KL: variants seen among roughly 807,000 people sequenced by gnomAD.
KL encodes the protein alpha-klotho.
Under a neutral mutation model 84.2 loss-of-function variants are expected in KL, and 62 were observed. The ratio of observed to expected loss-of-function variants is 0.74; its 90% CI spans 0.60 to 0.91. KL has a LOEUF of 0.91. KL is among the 40% of genes least tolerant of loss of function. The probability of loss-of-function intolerance (pLI) is 0.00; values close to 1 mark genes in which losing one functional copy is unlikely to be tolerated. For synonymous variants in KL, 528 were observed against 528.0 expected (o/e 1.00, Z 0.00); for missense variants, 1,261 against 1,305.7 (o/e 0.97, Z 0.53).
At chr13:33,035,916 G>A (rs1010560319) in intron 1 of KL, among the ~76,000 whole-genome samples, 6 of 152,190 alleles carry the variant, frequency 3.9e-5, no homozygotes, top group African/African-American at 1.4e-4. Context: ...TTTACCCAGT[G>A]TAAGTTATGA....
chr13:33,052,910 G>C (rs1201824263), intron 1 of KL, among the ~76,000 whole-genome samples: 1 of 151,930 alleles, frequency 6.6e-6, no homozygotes, highest in Non-Finnish European at 1.5e-5. Flanking sequence ...CTTCAAGTAG[G>C]GGAGAAAAAA....
chr13:33,027,142 C>A (rs1593791515), intron 1 of KL, among the ~76,000 whole-genome samples: 1 of 152,188 alleles, frequency 6.6e-6, no homozygotes. Context: ...CCCAGCGCTA[C>A]TCCTCAGGAT....
At chr13:33,049,074 CTT>C (rs147609599) in intron 1 of KL, among the ~76,000 whole-genome samples, 1,634 of 152,226 alleles carry the variant, frequency 0.011, 16 homozygotes, top group Non-Finnish European at 0.018. Context: ...ACGAGAGAGA[CTT>C]ATACCCCAAA....
chr13:33,047,868 G>C, intron 1 of KL, among the ~76,000 whole-genome samples: 1 of 151,110 alleles, frequency 6.6e-6, no homozygotes. Context: ...TGAGTTTTAG[G>C]GATTACATTA....
intron 1 of KL, among the ~76,000 whole-genome samples, chr13:33,037,793 G>A (rs1404791371): frequency 6.6e-6 from 1 of 152,044 alleles, no homozygotes; most frequent in African/African-American, 2.4e-5. Context: ...TGGGGCAGAA[G>A]CAACCTGTCC....
intron 3 of KL, 60 bp from the exon 4 acceptor site, chr13:33,060,619 C>T (rs1441741546): frequency 6.3e-7 from 1 of 1,593,764 alleles, no homozygotes; most frequent in African/African-American, 1.3e-5. Flanking sequence ...GAAATAATTG[C>T]TTTGAATTAC....
At chr13:33,047,184 A>T (rs1001691735) in intron 1 of KL, among the ~76,000 whole-genome samples, 1 of 152,050 alleles carries the variant, frequency 6.6e-6, no homozygotes, top group Non-Finnish European at 1.5e-5. Context: ...AATTATAGTG[A>T]TGTTCAAAGC....
intron 3 of KL, among the ~76,000 whole-genome samples, chr13:33,060,386 G>C (rs1458335595): frequency 6.6e-6 from 1 of 152,078 alleles, no homozygotes; most frequent in South Asian, 2.1e-4. Flanking sequence ...CCGACAAGTA[G>C]TGTGCAAGAC....
At position 33,061,075 on chromosome 13, in the gene KL, T is replaced by C; in HGVS notation, c.1996T>C (p.Phe666Leu). 1 of 1,613,110 alleles carries C rather than the reference T, an allele frequency of 6.2e-7. No homozygotes were observed. The highest frequency in any genetic ancestry group is 8.5e-7 in the Non-Finnish European group (1 of 1,179,302). Reference protein sequence around the residue: ...AWENPYTALAFAEYARLCFQE... With the variant: ...AWENPYTALALAEYARLCFQE... ...GGAGAACCCCTACACTGCCCTGGCC[T>C]TTGCAGAGTATGCCCGACTGTGCTT... Residue 666 changes from phenylalanine to leucine, a missense_variant, in exon 4 of 5, where the codon TTT becomes CTT. Coordinates refer to ENST00000380099, the MANE Select transcript of KL (RefSeq NM_004795.4).
At chr13:33,032,728 A>G (rs1199168113) in intron 1 of KL, among the ~76,000 whole-genome samples, 2 of 152,182 alleles carry the variant, frequency 1.3e-5, no homozygotes, top group African/African-American at 2.4e-5. Flanking sequence ...GTAAAAGATC[A>G]TGGGGCATGG....
At chr13:33,028,477 A>G (rs1870858376) in intron 1 of KL, among the ~76,000 whole-genome samples, 1 of 152,224 alleles carries the variant, frequency 6.6e-6, no homozygotes, top group Non-Finnish European at 1.5e-5. Context: ...GGAGGAAGAC[A>G]TGGGATCTAT....
At chr13:33,057,558 T>A (rs1872010395) in intron 3 of KL, among the ~76,000 whole-genome samples, 1 of 152,104 alleles carries the variant, frequency 6.6e-6, no homozygotes. Context: ...CTCTCTCAGA[T>A]CACACGGTCC....
chr13:33,016,745 G>T lies in KL; in HGVS notation c.305G>T (p.Gly102Val). ...ACCCACCACCCCCTGGCACCCCCGG[G>T]AGACTCCCGGAACGCCAGTCTGCCG... ...TFTHHPLAPPGDSRNASLPLG... is the reference protein window; with the variant it reads ...TFTHHPLAPPVDSRNASLPLG... Residue 102 changes from glycine to valine, a missense_variant, in exon 1 of 5, where the codon GGA (glycine) becomes GTA (valine). By Grantham distance (109) the Gly-to-Val change is moderately radical. Coordinates refer to ENST00000380099, the MANE Select transcript of KL (RefSeq NM_004795.4). 1 of 1,611,704 alleles carries T rather than the reference G, an allele frequency of 6.2e-7. No individual in the cohort carries two copies. The highest frequency in any genetic ancestry group is 2.2e-5 in the East Asian group (1 of 44,798).
chr13:33,037,764 C>T (rs932126314), intron 1 of KL, among the ~76,000 whole-genome samples: 1 of 152,056 alleles, frequency 6.6e-6, no homozygotes, highest in Non-Finnish European at 1.5e-5. Context: ...CAAGCTAGTA[C>T]ACTGGAGGAT....
At chr13:33,017,882 T>A (rs994076286) in intron 1 of KL, among the ~76,000 whole-genome samples, 1 of 152,216 alleles carries the variant, frequency 6.6e-6, no homozygotes, top group African/African-American at 2.4e-5. Context: ...AAGCTAGTCA[T>A]AGAAACACAG....
intron 1 of KL, among the ~76,000 whole-genome samples, chr13:33,018,651 C>A (rs759577435): frequency 3.9e-5 from 6 of 152,142 alleles, no homozygotes; most frequent in Non-Finnish European, 8.8e-5. Flanking sequence ...TAAAGACCAC[C>A]AGTGTATGGC....
At chr13:33,046,904 T>G (rs370561950) in intron 1 of KL, among the ~76,000 whole-genome samples, 2 of 152,198 alleles carry the variant, frequency 1.3e-5, no homozygotes, top group Non-Finnish European at 2.9e-5. Context: ...TTCATTGACT[T>G]ATTGCTTGTT....
At chr13:33,061,837 A>C (rs1264758737) in intron 4 of KL, 57 bp downstream of exon 4, 1 of 1,564,214 alleles carries the variant, frequency 6.4e-7, no homozygotes, top group Non-Finnish European at 8.7e-7. Context: ...AGGGCATGAC[A>C]CTTGATTAAA....
chr13:33,037,888 G>A (rs1023280764), intron 1 of KL, among the ~76,000 whole-genome samples: 10 of 151,900 alleles, frequency 6.6e-5, no homozygotes, highest in Admixed American at 2.0e-4. Context: ...CCCAGCTCAC[G>A]AATAATATTT....
Sources: gnomAD v4.1 joint callset for allele counts (sites outside exome capture counted in the v4.1 genomes callset) on GRCh38, gnomAD v4.1.1 for gene constraint, MANE v1.5 for transcripts, NCBI Gene and HGNC (gene_info 2026-07-23, HGNC 2026-07-21) for gene names.